The following DIAPH3 variants were observed in gnomAD, a reference collection of about 807,000 sequenced individuals.
DIAPH3 encodes diaphanous related formin 3.
In DIAPH3, 117 loss-of-function variants were observed where a neutral mutation model predicts 144.3. The ratio of observed to expected loss-of-function variants is 0.81; its 90% CI spans 0.70 to 0.95. The LOEUF (loss-of-function observed/expected upper bound fraction) is 0.95, where lower values mean the gene tolerates loss of function less well. DIAPH3 is among the 40% of genes least tolerant of loss of function. The pLI, the probability that DIAPH3 is intolerant of heterozygous loss-of-function variation, is 0.00. For synonymous variants in DIAPH3, 519 were observed against 488.9 expected (o/e 1.06, Z -0.81); for missense variants, 1,421 against 1,412.7 (o/e 1.01, Z -0.09).
chr13:59,972,132 G>A (rs958922878), intron 15 of DIAPH3, among the ~76,000 whole-genome samples: 1 of 152,132 alleles, frequency 6.6e-6, no homozygotes, highest in African/African-American at 2.4e-5. Flanking sequence ...TGGAAGAAAT[G>A]CGTAGGATAA....
chr13:60,047,625 G>A (rs1422132827), intron 4 of DIAPH3, among the ~76,000 whole-genome samples: 1 of 152,130 alleles, frequency 6.6e-6, no homozygotes, highest in African/African-American at 2.4e-5. Flanking sequence ...ATGAAAGAAA[G>A]TGAACCTGGA....
intron 12 of DIAPH3, among the ~76,000 whole-genome samples, chr13:59,987,633 T>A (rs989317915): frequency 6.6e-6 from 1 of 151,420 alleles, no homozygotes; most frequent in African/African-American, 2.4e-5. Context: ...TTGTAAAGCA[T>A]AATCATCTCT....
chr13:60,160,966 G>T (rs892432232), intron 1 of DIAPH3, among the ~76,000 whole-genome samples: 8 of 152,170 alleles, frequency 5.3e-5, no homozygotes, highest in Non-Finnish European at 1.2e-4. Flanking sequence ...TAGAAAACAA[G>T]AATTTGCCAA....
At chr13:59,756,758 T>C (rs12585308) in intron 27 of DIAPH3, among the ~76,000 whole-genome samples, 52,015 of 151,962 alleles carry the variant, frequency 0.34, 9,377 homozygotes, top group African/African-American at 0.44. Flanking sequence ...CACTGGGATT[T>C]AGGTCTGTCT....
intron 4 of DIAPH3, among the ~76,000 whole-genome samples, chr13:60,070,441 G>A (rs1210294955): frequency 6.6e-6 from 1 of 151,030 alleles, no homozygotes; most frequent in East Asian, 1.9e-4. Flanking sequence ...CAGTTTTAGG[G>A]TTTAAAAAAA....
intron 27 of DIAPH3, among the ~76,000 whole-genome samples, chr13:59,756,420 G>GGAAGGAAGGAAGGAAGGAAGGAAA (rs1175613863): frequency 7.4e-6 from 1 of 134,368 alleles, no homozygotes; most frequent in Non-Finnish European, 1.6e-5. Context: ...AAGGAAGGAA[G>GGAAGGAAGGAAGGAAGGAAGGAAA]GAAGGAAGGA....
chr13:59,902,937 C>A (rs897795199), intron 20 of DIAPH3, among the ~76,000 whole-genome samples: 1 of 152,058 alleles, frequency 6.6e-6, no homozygotes, highest in South Asian at 2.1e-4. Flanking sequence ...GATTTCCAGA[C>A]AAGATTACCA....
intron 17 of DIAPH3, among the ~76,000 whole-genome samples, chr13:59,951,058 A>C (rs1156450378): frequency 1.3e-5 from 2 of 152,132 alleles, no homozygotes; most frequent in African/African-American, 4.8e-5. Context: ...TCTTAATGAA[A>C]TACATAAGTA....
chr13:59,894,878 A>G (rs1051511983), intron 20 of DIAPH3, among the ~76,000 whole-genome samples: 8 of 152,006 alleles, frequency 5.3e-5, no homozygotes. Context: ...TAAAAAGGAA[A>G]CATTGATAAA....
chr13:60,070,743 T>A (rs938252346), intron 4 of DIAPH3, among the ~76,000 whole-genome samples: 5 of 152,160 alleles, frequency 3.3e-5, no homozygotes, highest in Non-Finnish European at 7.4e-5. Flanking sequence ...CCCAACTGAA[T>A]TGTTGAGTTT....
intron 1 of DIAPH3, 22 bp downstream of exon 1, chr13:60,163,565 C>T (rs774754871): frequency 9.5e-6 from 15 of 1,573,626 alleles, no homozygotes; most frequent in South Asian, 2.3e-5. Context: ...GCGGCCCCAC[C>T]CTAGCTCCAG....
intron 17 of DIAPH3, among the ~76,000 whole-genome samples, chr13:59,940,820 T>G (rs1467349295): frequency 6.6e-6 from 1 of 152,228 alleles, no homozygotes; most frequent in Non-Finnish European, 1.5e-5. Context: ...GATGCCATCC[T>G]GGCCATTCAA....
At chr13:60,119,563 C>G (rs540381117) in intron 2 of DIAPH3, among the ~76,000 whole-genome samples, 265 of 151,182 alleles carry the variant, frequency 1.8e-3, no homozygotes, top group Non-Finnish European at 2.8e-3. Context: ...CCGGCTAAAA[C>G]GGTGAAACCC....
At chr13:59,741,074 C>T (rs1382289485) in intron 27 of DIAPH3, among the ~76,000 whole-genome samples, 1 of 152,200 alleles carries the variant, frequency 6.6e-6, no homozygotes, top group African/African-American at 2.4e-5. Context: ...ATCATTTTTA[C>T]AGCTTGACCC....
chr13:60,160,741 C>G (rs892541678), intron 1 of DIAPH3, among the ~76,000 whole-genome samples: 2 of 152,222 alleles, frequency 1.3e-5, no homozygotes, highest in Non-Finnish European at 2.9e-5. Context: ...TCCCTACCAT[C>G]TCAATGCTCA....
chr13:59,949,712 T>C (rs529459703), intron 17 of DIAPH3, among the ~76,000 whole-genome samples: 4 of 152,196 alleles, frequency 2.6e-5, no homozygotes, highest in Admixed American at 2.0e-4. Context: ...CAGTCTTGTA[T>C]AGAAAAATGT....
chr13:59,806,759 C>G (rs191767887), intron 25 of DIAPH3, among the ~76,000 whole-genome samples: 1 of 151,686 alleles, frequency 6.6e-6, no homozygotes, highest in East Asian at 1.9e-4. Flanking sequence ...TAAAAAGTGG[C>G]CTTGCTATAT....
chr13:59,733,365 A>C (rs1429180370), intron 27 of DIAPH3, among the ~76,000 whole-genome samples: 1 of 152,196 alleles, frequency 6.6e-6, no homozygotes, highest in East Asian at 1.9e-4. Context: ...AAATCTTTCA[A>C]TCTAAAACAC....
At chr13:59,711,713 C>G (rs544700791) in intron 27 of DIAPH3, among the ~76,000 whole-genome samples, 1 of 152,124 alleles carries the variant, frequency 6.6e-6, no homozygotes, top group Non-Finnish European at 1.5e-5. Flanking sequence ...TAATTTTTGG[C>G]CTATGTTCCT....
Sources: gnomAD v4.1 joint callset for allele counts (sites outside exome capture counted in the v4.1 genomes callset) on GRCh38, gnomAD v4.1.1 for gene constraint, MANE v1.5 for transcripts, NCBI Gene and HGNC (gene_info 2026-07-23, HGNC 2026-07-21) for gene names.